Variants in ZNF516 observed in about 807,000 individuals in gnomAD.
ZNF516 encodes the protein zinc finger protein 516.
ZNF516 carries 19 observed loss-of-function variants against 79.7 expected under a neutral mutation model. That is an observed-to-expected ratio of 0.24 (90% CI 0.17 to 0.35). The LOEUF (loss-of-function observed/expected upper bound fraction) is 0.35. ZNF516 is among the 10% of genes least tolerant of loss of function. The pLI is 1.00. For synonymous variants in ZNF516, 877 were observed against 739.5 expected (o/e 1.19, Z -3.02); for missense variants, 1,678 against 1,679.5 (o/e 1.00, Z 0.02).
At chr18:76,398,007 C>A (rs2075169035) in intron 3 of ZNF516, among the ~76,000 whole-genome samples, 2 of 152,182 alleles carry the variant, frequency 1.3e-5, no homozygotes, top group African/African-American at 4.8e-5. Flanking sequence ...ACAGAATCAA[C>A]AACTTAAAGG....
intron 2 of ZNF516, among the ~76,000 whole-genome samples, chr18:76,447,205 G>A (rs759627857): frequency 9.2e-5 from 14 of 152,262 alleles, no homozygotes; most frequent in Non-Finnish European, 2.1e-4. Flanking sequence ...TGTCCTCAGA[G>A]CTTCCAACTT....
At chr18:76,480,065 A>G (rs560297273) in intron 1 of ZNF516, among the ~76,000 whole-genome samples, 1 of 142,156 alleles carries the variant, frequency 7.0e-6, no homozygotes, top group East Asian at 2.1e-4. Context: ...GCGCCCCTAG[A>G]GCTATGCCAT....
At chr18:76,469,353 T>A (rs1259774070) in intron 1 of ZNF516, among the ~76,000 whole-genome samples, 4 of 152,220 alleles carry the variant, frequency 2.6e-5, no homozygotes, top group African/African-American at 9.6e-5. Flanking sequence ...GAGGGCTTTT[T>A]AAAAATAAGT....
At chr18:76,453,034 C>G (rs951336037) in intron 2 of ZNF516, among the ~76,000 whole-genome samples, 6 of 152,198 alleles carry the variant, frequency 3.9e-5, no homozygotes, top group Non-Finnish European at 7.3e-5. Context: ...TATTGCATTA[C>G]TGTTACTTGT....
Position 76,480,529 on chromosome 18 carries a change from A to ATATATATTT in ZNF516, c.-272+14614_-272+14615insAAATATATA, listed in dbSNP as rs374464151. Reference sequence around the variant, plus strand: ...CACACACACACACACACACACATATATTTTTTTTTTTGAGACGGAGTCTTG... The same window carrying ATATATATTT: ...CACACACACACACACACACACATATATATATATTTTTTTTTTTTTTGAGACGGAGTCTTG... On this transcript the variant is annotated intron_variant, in intron 1 of 6. Transcript: ENST00000443185. 8.7e-4 allele frequency among the ~76,000 whole-genome samples: 124 copies of ATATATATTT among 142,084 alleles called. 2 individuals are homozygous for ATATATATTT. The highest frequency in any genetic ancestry group is 2.5e-3 in the African/African-American group (95 of 38,144). 93.2% of individuals were successfully genotyped at this position (142,084 alleles called of 152,430 possible).
intron 3 of ZNF516, among the ~76,000 whole-genome samples, chr18:76,417,524 C>T (rs1183246965): frequency 5.3e-5 from 8 of 152,180 alleles, no homozygotes; most frequent in African/African-American, 1.9e-4. Flanking sequence ...AATCCAAGCA[C>T]GGATTTTTAC....
intron 1 of ZNF516, among the ~76,000 whole-genome samples, chr18:76,463,623 T>A (rs1465698528): frequency 6.6e-6 from 1 of 152,174 alleles, no homozygotes; most frequent in Non-Finnish European, 1.5e-5. Context: ...GGGCGCCACC[T>A]ACTCACCTCC....
At chr18:76,380,774 T>G (rs1471479882) in intron 3 of ZNF516, among the ~76,000 whole-genome samples, 1 of 151,736 alleles carries the variant, frequency 6.6e-6, no homozygotes, top group Admixed American at 6.6e-5. Context: ...AGAAGCAGGC[T>G]TGGGCAACAG....
intron 4 of ZNF516, chr18:76,372,649 TAA>T (rs2074725864): frequency 6.6e-6 from 1 of 152,300 alleles, no homozygotes; most frequent in African/African-American, 2.4e-5. Flanking sequence ...GCTCAATAGG[TAA>T]AAACATAAAA....
intron 3 of ZNF516, among the ~76,000 whole-genome samples, chr18:76,405,129 G>A (rs547325449): frequency 6.6e-6 from 1 of 152,304 alleles, no homozygotes; most frequent in South Asian, 2.1e-4. Flanking sequence ...CCAAGATAAG[G>A]ACACACCCTG....
chr18:76,441,705 G>C lies in ZNF516; in HGVS notation c.1350C>G (p.Asp450Glu), dbSNP rs756191294. 3 of 1,571,106 alleles carry C rather than the reference G, an allele frequency of 1.9e-6. No individual in the cohort carries two copies. Among genetic ancestry groups the C allele is most frequent in the African/African-American group, 1.4e-5 (1 of 73,954 alleles). The change falls in exon 3 of 7, where the codon GAC becomes GAG. Residue 450 changes from aspartate (D) to glutamate (E), a missense_variant. Asp to Glu is a conservative substitution (Grantham distance 45). Coordinates refer to ENST00000443185, the MANE Select transcript of ZNF516 (RefSeq NM_014643.4). ...DEALAGDVAF[D>E]KDRREYVLVS... Reference sequence around the variant, plus strand: ...CCAGGACGTACTCGCGCCTGTCCTTGTCGAAGGCCACGTCCCCGGCCAGCG... The same window carrying C: ...CCAGGACGTACTCGCGCCTGTCCTTCTCGAAGGCCACGTCCCCGGCCAGCG...
intron 3 of ZNF516, among the ~76,000 whole-genome samples, chr18:76,399,039 G>A (rs903008944): frequency 1.3e-5 from 2 of 152,272 alleles, no homozygotes; most frequent in Admixed American, 6.5e-5. Context: ...AGAGGAAGGC[G>A]GATTTCCCCG....
chr18:76,489,350 T>C (rs1397593078), intron 1 of ZNF516, among the ~76,000 whole-genome samples: 1 of 152,212 alleles, frequency 6.6e-6, no homozygotes, highest in Non-Finnish European at 1.5e-5. Flanking sequence ...TATACCTCAT[T>C]TCAAAGTATT....
At chr18:76,408,406 G>T (rs1416431626) in intron 3 of ZNF516, among the ~76,000 whole-genome samples, 1 of 152,216 alleles carries the variant, frequency 6.6e-6, no homozygotes, top group African/African-American at 2.4e-5. Context: ...CCCTCCGGGA[G>T]TTCCAGCCGG....
At chr18:76,408,086 A>T (rs2145277343) in intron 3 of ZNF516, among the ~76,000 whole-genome samples, 1 of 152,318 alleles carries the variant, frequency 6.6e-6, no homozygotes, top group Non-Finnish European at 1.5e-5. Context: ...GGTTCATGGG[A>T]TGGCAAGGGA....
At position 76,371,586 on chromosome 18, in the gene ZNF516, T is replaced by C. The variant is rs533726253; in HGVS notation, c.3260-15A>G. 1.3e-6 allele frequency: 2 copies of C among 1,593,582 alleles called. No homozygotes were observed. Among genetic ancestry groups the C allele is most frequent in the Non-Finnish European group, 1.7e-6 (2 of 1,170,482 alleles). ...CCGGAGTGTCCCTGCGGTGGCGAGG[T>C]GGTGGTGGTGGCAGGGCCGTGGTGG... On this transcript the variant is annotated splice_polypyrimidine_tract_variant and intron_variant, in intron 4 of 6. Transcript: ENST00000443185.
chr18:76,480,931 TCTTCCCTGCCAGG>T (rs1321274672), intron 1 of ZNF516, among the ~76,000 whole-genome samples: 2 of 152,246 alleles, frequency 1.3e-5, no homozygotes, highest in African/African-American at 4.8e-5. Context: ...GAAGTCCATC[TCTTCCCTGCCAGG>T]CTGCCTCGGG....
intron 2 of ZNF516, among the ~76,000 whole-genome samples, chr18:76,450,036 G>A (rs1441332007): frequency 6.6e-6 from 1 of 152,284 alleles, no homozygotes; most frequent in East Asian, 1.9e-4. Context: ...GAGAACTACT[G>A]TTACTTGTGT....
At chr18:76,401,820 ACCCCC>A (rs1568261896) in intron 3 of ZNF516, among the ~76,000 whole-genome samples, 3 of 137,076 alleles carry the variant, frequency 2.2e-5, no homozygotes, top group Middle Eastern at 3.7e-3. Context: ...CACCAACCAC[ACCCCC>A]GCGCTCCATC....
Sources: gnomAD v4.1 joint callset for allele counts (sites outside exome capture counted in the v4.1 genomes callset) on GRCh38, gnomAD v4.1.1 for gene constraint, MANE v1.5 for transcripts, NCBI Gene and HGNC (gene_info 2026-07-23, HGNC 2026-07-21) for gene names.